Variants in SIK2 observed in about 807,000 individuals in gnomAD.
SIK2 encodes the protein serine/threonine-protein kinase SIK2.
Under a neutral mutation model 103.2 loss-of-function variants are expected in SIK2, and 29 were observed. The observed-to-expected ratio is 0.28, with a 90% confidence interval of 0.21 to 0.38. The LOEUF (loss-of-function observed/expected upper bound fraction) is 0.38, where lower values mean the gene tolerates loss of function less well. SIK2 is among the 10% of genes least tolerant of loss of function. The pLI is 1.00. For synonymous variants in SIK2, 412 were observed against 446.1 expected (o/e 0.92, Z 0.96); for missense variants, 879 against 1,171.0 (o/e 0.75, Z 3.64).
At chr11:111,718,604 CT>C (rs1309448907) in intron 9 of SIK2, 1 of 152,228 alleles carries the variant, frequency 6.6e-6, no homozygotes, top group Non-Finnish European at 1.5e-5. Flanking sequence ...CCCTAGTCTC[CT>C]TCTCCAAATA....
intron 8 of SIK2, among the ~76,000 whole-genome samples, chr11:111,710,913 C>A (rs568102164): frequency 2.6e-5 from 4 of 152,086 alleles, no homozygotes; most frequent in African/African-American, 9.7e-5. Flanking sequence ...TAACTATAGC[C>A]GGAAAAATAC....
At chr11:111,662,965 G>A (rs182073083) in intron 3 of SIK2, among the ~76,000 whole-genome samples, 36 of 151,998 alleles carry the variant, frequency 2.4e-4, no homozygotes, top group Admixed American at 2.1e-3. Flanking sequence ...AGGCACAGTG[G>A]CTCATACCTG....
chr11:111,686,200 G>C (rs1942843448), intron 3 of SIK2, among the ~76,000 whole-genome samples: 1 of 152,160 alleles, frequency 6.6e-6, no homozygotes, highest in African/African-American at 2.4e-5. Context: ...CAGCACTTTG[G>C]GAGGCCAAGG....
intron 3 of SIK2, among the ~76,000 whole-genome samples, chr11:111,647,127 A>G (rs1451481402): frequency 6.6e-6 from 1 of 152,204 alleles, no homozygotes; most frequent in Non-Finnish European, 1.5e-5. Flanking sequence ...TTTAACTGTT[A>G]TAGTAGTCCA....
intron 4 of SIK2, among the ~76,000 whole-genome samples, chr11:111,697,110 G>A (rs530192590): frequency 6.6e-6 from 1 of 152,214 alleles, no homozygotes; most frequent in African/African-American, 2.4e-5. Flanking sequence ...ATGAAGGCTC[G>A]AAGTAGTTAA....
chr11:111,615,302 AAAG>A (rs1175192585), intron 1 of SIK2, among the ~76,000 whole-genome samples: 3 of 151,498 alleles, frequency 2.0e-5, no homozygotes, highest in Admixed American at 1.3e-4. Flanking sequence ...AAAAAAAAAA[AAAG>A]AAGAAAAGTT....
At chr11:111,695,429 G>A (rs961610046) in intron 4 of SIK2, among the ~76,000 whole-genome samples, 1 of 152,040 alleles carries the variant, frequency 6.6e-6, no homozygotes, top group African/African-American at 2.4e-5. Flanking sequence ...TAAAAAAAAG[G>A]ACTTAGTTTA....
At chr11:111,607,583 A>G (rs1371805451) in intron 1 of SIK2, among the ~76,000 whole-genome samples, 1 of 152,208 alleles carries the variant, frequency 6.6e-6, no homozygotes, top group Non-Finnish European at 1.5e-5. Context: ...ACTATGTGCA[A>G]CAGAAGGACT....
At chr11:111,608,262 T>TA (rs544875246) in intron 1 of SIK2, among the ~76,000 whole-genome samples, 1 of 152,314 alleles carries the variant, frequency 6.6e-6, no homozygotes, top group Admixed American at 6.5e-5. Flanking sequence ...AACTTCATTT[T>TA]AAAAAAATTT....
chr11:111,709,025 C>T (rs563057312), intron 8 of SIK2, among the ~76,000 whole-genome samples: 1 of 152,350 alleles, frequency 6.6e-6, no homozygotes, highest in East Asian at 1.9e-4. Context: ...CCCTTCACAA[C>T]AGGTTGTGCC....
At chr11:111,698,018 A>G (rs1476578265) in intron 4 of SIK2, among the ~76,000 whole-genome samples, 2 of 152,160 alleles carry the variant, frequency 1.3e-5, no homozygotes, top group Non-Finnish European at 2.9e-5. Flanking sequence ...TCAAAAGAAT[A>G]TATAAATATA....
rs1943984838 is a variant in SIK2, at chr11:111,726,868, CTT to C, written c.*2741_*2742del. ...TGTAAACCAGGCTCCTCTGAAGAGA[CTT>C]TGGTGAGATGAACGTGAGGTAAAAA... On this transcript the variant is annotated 3_prime_UTR_variant, in exon 15 of 15. Coordinates refer to ENST00000304987, the MANE Select transcript of SIK2 (RefSeq NM_015191.3). 3 of 1,113,070 alleles carry C rather than the reference CTT, an allele frequency of 2.7e-6. No homozygotes were observed. The highest frequency in any genetic ancestry group is 4.0e-6 in the Non-Finnish European group (3 of 750,804). The allele number at this position is 1,113,070 out of a possible 1,614,324, so 68.9% of individuals were successfully genotyped here. A position where few individuals can be genotyped will look rare whatever the true frequency, so the allele number is the denominator to read the frequency against.
At chr11:111,687,045 C>T (rs533905909) in intron 3 of SIK2, among the ~76,000 whole-genome samples, 1 of 152,100 alleles carries the variant, frequency 6.6e-6, no homozygotes, top group East Asian at 1.9e-4. Flanking sequence ...TTTATTTCCT[C>T]TGTTTTACAT....
chr11:111,683,694 C>T (rs552140325), intron 3 of SIK2, among the ~76,000 whole-genome samples: 6 of 152,174 alleles, frequency 3.9e-5, no homozygotes, highest in South Asian at 2.1e-4. Flanking sequence ...TCAGGTGATC[C>T]GCCCGCCTCA....
chr11:111,703,562 A>C, intron 7 of SIK2, 139 bp downstream of exon 7: 1 of 689,272 alleles, frequency 1.5e-6, no homozygotes, highest in South Asian at 1.9e-5. Context: ...AGATGACATC[A>C]GACTCTATTT....
chr11:111,680,202 A>G (rs1942759660), intron 3 of SIK2, among the ~76,000 whole-genome samples: 1 of 152,112 alleles, frequency 6.6e-6, no homozygotes, highest in Non-Finnish European at 1.5e-5. Flanking sequence ...GGAAAAGATG[A>G]GTATAGATTT....
At chr11:111,709,770 T>C (rs1943447615) in intron 8 of SIK2, among the ~76,000 whole-genome samples, 1 of 152,226 alleles carries the variant, frequency 6.6e-6, no homozygotes, top group Admixed American at 6.5e-5. Context: ...TAGGAAGTGA[T>C]TGTCACAACA....
chr11:111,690,454 T>G (rs1308610414), intron 4 of SIK2, among the ~76,000 whole-genome samples: 1 of 151,828 alleles, frequency 6.6e-6, no homozygotes, highest in Non-Finnish European at 1.5e-5. Flanking sequence ...TTTATTATTA[T>G]TTTTTTACTT....
chr11:111,656,447 A>G (rs1196502372), intron 3 of SIK2, among the ~76,000 whole-genome samples: 1 of 152,228 alleles, frequency 6.6e-6, no homozygotes, highest in East Asian at 1.9e-4. Context: ...TTTGGTTATT[A>G]TATGAATTCA....
Sources: gnomAD v4.1 joint callset for allele counts (sites outside exome capture counted in the v4.1 genomes callset) on GRCh38, gnomAD v4.1.1 for gene constraint, MANE v1.5 for transcripts, NCBI Gene and HGNC (gene_info 2026-07-23, HGNC 2026-07-21) for gene names.